Variants in DNAJC12 observed in about 807,000 individuals in gnomAD.
The protein encoded by DNAJC12 is DnaJ heat shock protein family (Hsp40) member C12.
In DNAJC12, 25 loss-of-function variants were observed where a neutral mutation model predicts 28.5. That is an observed-to-expected ratio of 0.88 (90% CI 0.64 to 1.22). The LOEUF is 1.22. Ranked by LOEUF, DNAJC12 falls within the 50% of genes most tolerant of loss-of-function variation. DNAJC12 has a pLI of 0.00. For synonymous variants in DNAJC12, 77 were observed against 80.6 expected (o/e 0.95, Z 0.24); for missense variants, 222 against 231.7 (o/e 0.96, Z 0.27).
chr10:67,807,186 G>A (rs538381639), intron 3 of DNAJC12, among the ~76,000 whole-genome samples: 108 of 151,360 alleles, frequency 7.1e-4, no homozygotes, highest in African/African-American at 2.4e-3. Context: ...ACTTGAATCC[G>A]GGAGGCAGAG....
intron 1 of DNAJC12, among the ~76,000 whole-genome samples, chr10:67,828,012 C>G (rs1842054256): frequency 6.6e-6 from 1 of 152,274 alleles, no homozygotes; most frequent in African/African-American, 2.4e-5. Flanking sequence ...TCCATTGGAG[C>G]TGACACCCCC....
At chr10:67,805,883 T>C in intron 3 of DNAJC12, 96 bp from the exon 4 acceptor site, 1 of 923,576 alleles carries the variant, frequency 1.1e-6, no homozygotes, top group Non-Finnish European at 1.5e-6. Flanking sequence ...GACCTACTAC[T>C]GTAGTGCTAA....
In DNAJC12 at chr10:67,838,077, G is replaced by A. The variant is rs1842157026; in HGVS notation, c.-66C>T. ...GGCACAGTGAGCTTCGAATTAACAG[G>A]AAGAAACTCTTTAAATCTGAATTAG... On this transcript the variant is annotated 5_prime_UTR_variant, in exon 1 of 5. Coordinates refer to ENST00000225171, the MANE Select transcript of DNAJC12 (RefSeq NM_021800.3). 1 of 1,085,638 alleles carries A rather than the reference G, an allele frequency of 9.2e-7. No individual in the cohort carries two copies. 67.3% of individuals were successfully genotyped at this position (1,085,638 alleles called of 1,614,324 possible). A position where few individuals can be genotyped will look rare whatever the true frequency, so the allele number is the denominator to read the frequency against.
In DNAJC12 at chr10:67,801,836, C is replaced by CTTTTTTTTTT. The variant is rs577511924; in HGVS notation, c.502+3737_502+3746dup. Among the ~76,000 whole-genome samples, 261 of 26,144 alleles carry CTTTTTTTTTT rather than the reference C, an allele frequency of 1.0e-2. 70 individuals are homozygous for CTTTTTTTTTT. Among genetic ancestry groups the CTTTTTTTTTT allele is most frequent in the Middle Eastern group, 0.091 (2 of 22 alleles). 17.2% of individuals were successfully genotyped at this position (26,144 alleles called of 152,430 possible). The stretch of plus-strand genomic sequence containing the variant: ...TGATTCCCATCCCCTCCACTTCATT[C>CTTTTTTTTTT]TTTTTTTTTTTTTTTTTTTTTTTTT... On this transcript the variant is annotated intron_variant, in intron 4 of 4. Transcript: ENST00000225171.
rs1841806983 is a variant in DNAJC12, at chr10:67,806,832, A to G, written c.298-1045T>C. On this transcript the variant is annotated intron_variant, in intron 3 of 4. Transcript: ENST00000225171. Reference sequence around the variant, plus strand: ...AGAGCAAGACTCGGTCTCAAAAAAAAAAAAAAAGAAAAAGAAATGGGAAGG... The same window carrying G: ...AGAGCAAGACTCGGTCTCAAAAAAAGAAAAAAAGAAAAAGAAATGGGAAGG... 3.9e-5 allele frequency among the ~76,000 whole-genome samples: 6 copies of G among 152,036 alleles called. No homozygotes were observed. In the South Asian group the frequency reaches 1.2e-3, roughly 31 times the overall value.
At chr10:67,825,543 C>T (rs895475731) in intron 1 of DNAJC12, 5 of 125,308 alleles carry the variant, frequency 4.0e-5, no homozygotes, top group African/African-American at 8.6e-5. Flanking sequence ...AAGCAATCCC[C>T]TTGCTTCAGC....
chr10:67,834,253 A>G lies in DNAJC12; in HGVS notation c.78+3681T>C, dbSNP rs564450882. Among the ~76,000 whole-genome samples, 40 of 152,318 alleles carry G rather than the reference A, an allele frequency of 2.6e-4. No individual in the cohort carries two copies. The South Asian group carries it at 7.9e-3, about 30-fold the overall frequency. The stretch of plus-strand genomic sequence containing the variant: ...TAAAGGGAAGCTGGGTTAAGGGTAT[A>G]TAGGAACTCTGTTGTACTATTTTTA... On this transcript the variant is annotated intron_variant, in intron 1 of 4. Transcript: ENST00000225171.
chr10:67,800,503 G>C (rs1841731748), intron 4 of DNAJC12, among the ~76,000 whole-genome samples: 1 of 152,172 alleles, frequency 6.6e-6, no homozygotes, highest in Non-Finnish European at 1.5e-5. Context: ...GACACTTACT[G>C]CCTGCTGATT....
chr10:67,823,169 C>A (rs1384860575), intron 2 of DNAJC12, 145 bp downstream of exon 2: 1 of 661,284 alleles, frequency 1.5e-6, no homozygotes, highest in East Asian at 2.7e-5. Flanking sequence ...AGCCCTCTCC[C>A]TTTCTATCAT....
chr10:67,811,342 T>C, intron 3 of DNAJC12, 182 bp downstream of exon 3: 1 of 1,419,070 alleles, frequency 7.0e-7, no homozygotes, highest in Non-Finnish European at 9.2e-7. Flanking sequence ...CACAAATTCA[T>C]TGCCTTTATT....
chr10:67,807,185 C>T (rs985872731), intron 3 of DNAJC12, among the ~76,000 whole-genome samples: 3 of 151,710 alleles, frequency 2.0e-5, no homozygotes, highest in Non-Finnish European at 2.9e-5. Context: ...CACTTGAATC[C>T]GGGAGGCAGA....
intron 4 of DNAJC12, among the ~76,000 whole-genome samples, chr10:67,800,150 A>C (rs1441315602): frequency 7.1e-6 from 1 of 140,858 alleles, no homozygotes; most frequent in Non-Finnish European, 1.5e-5. Context: ...TGAGCCTAGG[A>C]GGTCGAGGCT....
intron 3 of DNAJC12, 100 bp downstream of exon 3, chr10:67,811,424 T>G: frequency 1.3e-6 from 2 of 1,545,390 alleles, no homozygotes; most frequent in Non-Finnish European, 1.7e-6. Context: ...CTTGGTTTTC[T>G]CCCTCCTATC....
intron 2 of DNAJC12, among the ~76,000 whole-genome samples, chr10:67,819,773 A>G (rs1564863613): frequency 3.6e-4 from 9 of 25,316 alleles, no homozygotes; most frequent in African/African-American, 1.4e-3. Context: ...GAAGGAAGGA[A>G]GGAAGGGGAA....
chr10:67,834,702 G>A (rs1046619343), intron 1 of DNAJC12, among the ~76,000 whole-genome samples: 4 of 152,082 alleles, frequency 2.6e-5, no homozygotes, highest in Non-Finnish European at 4.4e-5. Context: ...TGGCATGCAC[G>A]TATAATCCCT....
chr10:67,818,356 T>C (rs1265663683), intron 2 of DNAJC12, among the ~76,000 whole-genome samples: 2 of 152,210 alleles, frequency 1.3e-5, no homozygotes, highest in Admixed American at 6.5e-5. Context: ...GGTTGAATCA[T>C]ATATCAAATG....
intron 2 of DNAJC12, among the ~76,000 whole-genome samples, chr10:67,813,925 A>G (rs2131799316): frequency 1.3e-5 from 2 of 151,924 alleles, no homozygotes; most frequent in South Asian, 2.1e-4. Context: ...TACCCCCCAA[A>G]CTGATCTGCA....
chr10:67,833,571 T>C (rs1842114639), intron 1 of DNAJC12, among the ~76,000 whole-genome samples: 1 of 152,140 alleles, frequency 6.6e-6, no homozygotes, highest in African/African-American at 2.4e-5. Flanking sequence ...GTCTATCTAG[T>C]CCTTTACAAA....
At chr10:67,805,834 T>C (rs764134232) in intron 3 of DNAJC12, 47 bp from the exon 4 acceptor site, 1 of 1,416,020 alleles carries the variant, frequency 7.1e-7, no homozygotes, top group East Asian at 2.5e-5. Flanking sequence ...TGATATTATA[T>C]GATTTTCTAT....
Sources: allele counts gnomAD v4.1 joint callset (sites outside exome capture counted in the v4.1 genomes callset), GRCh38; gene constraint gnomAD v4.1.1; transcripts MANE v1.5; gene names NCBI Gene and HGNC (gene_info 2026-07-23, HGNC 2026-07-21).